CDK14: variants seen among roughly 807,000 people sequenced by gnomAD.
CDK14 encodes cyclin dependent kinase 14.
Under a neutral mutation model 60.7 loss-of-function variants are expected in CDK14, and 34 were observed. That is an observed-to-expected ratio of 0.56 (90% CI 0.43 to 0.75). The LOEUF (loss-of-function observed/expected upper bound fraction) is 0.75. Ranked by LOEUF, CDK14 falls within the 30% of genes least tolerant of loss-of-function variation. The pLI, the probability that CDK14 is intolerant of heterozygous loss-of-function variation, is 0.00. For missense variants in CDK14, 482 were observed against 564.1 expected (o/e 0.85, Z 1.47); for synonymous variants, 197 against 203.7 (o/e 0.97, Z 0.28).
intron 2 of CDK14, among the ~76,000 whole-genome samples, chr7:90,681,366 A>G (rs575465179): frequency 6.6e-6 from 1 of 152,270 alleles, no homozygotes; most frequent in Non-Finnish European, 1.5e-5. Flanking sequence ...TGAGACAAAT[A>G]TTTCCATTAC....
At chr7:90,660,583 C>CA (rs1201488722) in intron 2 of CDK14, among the ~76,000 whole-genome samples, 1 of 152,120 alleles carries the variant, frequency 6.6e-6, no homozygotes, top group African/African-American at 2.4e-5. Context: ...TTTCTGGTGT[C>CA]AAAATGTGAC....
rs77958941 is a variant in CDK14, at chr7:90,877,667, A to G, written c.639+14398A>G. 9.9e-3 allele frequency among the ~76,000 whole-genome samples: 1,509 copies of G among 152,254 alleles called. 33 individuals carry two copies. The highest frequency in any genetic ancestry group is 0.033 in the African/African-American group (1,385 of 41,506). The stretch of plus-strand genomic sequence containing the variant: ...CAGTCAGGAAAGAAAAATGTTGAGT[A>G]TTCTAGCTAGAATCTTAGGAAATAT... On this transcript the variant is annotated intron_variant, in intron 6 of 14. Coordinates refer to ENST00000380050, the MANE Select transcript of CDK14 (RefSeq NM_001287135.2).
intron 10 of CDK14, among the ~76,000 whole-genome samples, chr7:91,006,702 T>TTA (rs1302427165): frequency 2.0e-5 from 3 of 152,356 alleles, no homozygotes; most frequent in African/African-American, 7.2e-5. Context: ...AAACTTTCAC[T>TTA]TATATATTTT....
intron 6 of CDK14, among the ~76,000 whole-genome samples, chr7:90,892,694 G>T (rs1017963361): frequency 3.3e-5 from 5 of 152,146 alleles, no homozygotes; most frequent in African/African-American, 1.2e-4. Flanking sequence ...CCTTCCCCTG[G>T]AGATACTCCT....
At chr7:90,684,134 A>G (rs62469731) in intron 2 of CDK14, among the ~76,000 whole-genome samples, 8,005 of 152,242 alleles carry the variant, frequency 0.053, 265 homozygotes, top group South Asian at 0.095. Flanking sequence ...TATTATATCT[A>G]AAGTACTTTC....
chr7:90,643,088 T>C (rs1426942938), intron 2 of CDK14, among the ~76,000 whole-genome samples: 1 of 152,184 alleles, frequency 6.6e-6, no homozygotes, highest in East Asian at 1.9e-4. Flanking sequence ...CTGGAGGTTG[T>C]GGCCAGCATA....
intron 5 of CDK14, among the ~76,000 whole-genome samples, chr7:90,806,675 C>T (rs1222300026): frequency 6.6e-6 from 1 of 152,200 alleles, no homozygotes; most frequent in African/African-American, 2.4e-5. Context: ...GAGGCATCGC[C>T]TCACCTGGGA....
At position 90,596,633 on chromosome 7, in the gene CDK14, T is replaced by A; in HGVS notation, c.6T>A (p.Cys2Ter). 6.2e-7 allele frequency: 1 copy of A among 1,611,762 alleles called. No individual in the cohort carries two copies. Among genetic ancestry groups the A allele is most frequent in the East Asian group, 2.2e-5 (1 of 44,826 alleles). The change falls in exon 1 of 15, where the codon TGT becomes TGA. Residue 2 changes from cysteine (C) to a stop codon, truncating the protein, a stop_gained. Coordinates refer to ENST00000380050, the MANE Select transcript of CDK14 (RefSeq NM_001287135.2). LOFTEE classifies it high-confidence loss of function. The stretch of plus-strand genomic sequence containing the variant: ...CGGGGCTCCGCGTCGCCCAGATGTG[T>A]GACCTCATTGAGCCGCAGCCGGCCG... M[C>*]DLIEPQPAEK...
chr7:91,156,957 A>G (rs997152708), intron 14 of CDK14, among the ~76,000 whole-genome samples: 3 of 152,224 alleles, frequency 2.0e-5, no homozygotes, highest in Admixed American at 6.5e-5. Flanking sequence ...TTAAGCAGCT[A>G]TCATTTCCAT....
intron 9 of CDK14, among the ~76,000 whole-genome samples, chr7:90,971,467 A>T (rs1794930201): frequency 6.6e-6 from 1 of 152,140 alleles, no homozygotes; most frequent in Admixed American, 6.5e-5. Flanking sequence ...GGACGTGTAC[A>T]TCATGCCATG....
intron 11 of CDK14, among the ~76,000 whole-genome samples, chr7:91,076,273 A>AAAAAAAAAAAG (rs1798311656): frequency 7.4e-6 from 1 of 134,852 alleles, no homozygotes; most frequent in Non-Finnish European, 1.6e-5. Context: ...AAAAAAAAAA[A>AAAAAAAAAAAG]AAATCATGGT....
chr7:90,694,953 A>G (rs1167321736), intron 2 of CDK14, among the ~76,000 whole-genome samples: 1 of 152,196 alleles, frequency 6.6e-6, no homozygotes, highest in African/African-American at 2.4e-5. Context: ...TGCTACTTCA[A>G]CTAAGACCAG....
chr7:90,806,988 G>T, intron 5 of CDK14, among the ~76,000 whole-genome samples: 1 of 152,220 alleles, frequency 6.6e-6, no homozygotes, highest in Non-Finnish European at 1.5e-5. Flanking sequence ...ACTGGGTGGA[G>T]CCCACTGCAG....
At chr7:91,023,008 G>A (rs1464629480) in intron 10 of CDK14, among the ~76,000 whole-genome samples, 2 of 44,506 alleles carry the variant, frequency 4.5e-5, no homozygotes, top group African/African-American at 6.8e-5. Flanking sequence ...AGCCTTTGAA[G>A]TATATATTTT....
Position 91,090,344 on chromosome 7 carries a change from A to G in CDK14, c.1154+10864A>G, listed in dbSNP as rs73400951. 7.2e-3 allele frequency among the ~76,000 whole-genome samples: 1,104 copies of G among 152,334 alleles called. 17 individuals carry two copies. The highest frequency in any genetic ancestry group is 0.025 in the African/African-American group (1,059 of 41,586). On this transcript the variant is annotated intron_variant, in intron 12 of 14. Coordinates refer to ENST00000380050, the MANE Select transcript of CDK14 (RefSeq NM_001287135.2). ...AGGATATAGAGCAGTACTGTCCAAT[A>G]GATCTTTATGCATTGACAAGAATGT...
At chr7:90,645,588 T>TA (rs1800447904) in intron 2 of CDK14, among the ~76,000 whole-genome samples, 1 of 152,142 alleles carries the variant, frequency 6.6e-6, no homozygotes. Context: ...AAATCCTGGG[T>TA]ATTTTCCTCC....
chr7:91,020,059 G>A (rs968842358), intron 10 of CDK14, among the ~76,000 whole-genome samples: 38 of 152,056 alleles, frequency 2.5e-4, no homozygotes, highest in Non-Finnish European at 1.3e-4. Flanking sequence ...GGCTAATCAG[G>A]GCATGCTCTT....
intron 12 of CDK14, among the ~76,000 whole-genome samples, chr7:91,081,439 A>G (rs1446433953): frequency 6.6e-6 from 1 of 152,216 alleles, no homozygotes; most frequent in Admixed American, 6.5e-5. Context: ...GTTTAAAATA[A>G]ATTGAACTAA....
intron 10 of CDK14, among the ~76,000 whole-genome samples, chr7:91,020,933 C>T (rs1393975837): frequency 1.3e-5 from 2 of 152,122 alleles, no homozygotes; most frequent in African/African-American, 4.8e-5. Context: ...AGAATTCAAT[C>T]TCTTATGACC....
Sources: gnomAD v4.1 joint callset for allele counts (sites outside exome capture counted in the v4.1 genomes callset) on GRCh38, gnomAD v4.1.1 for gene constraint, MANE v1.5 for transcripts, NCBI Gene and HGNC (gene_info 2026-07-23, HGNC 2026-07-21) for gene names.